The following EPHA6 variants were observed in gnomAD, a reference collection of about 807,000 sequenced individuals.
EPHA6 encodes ephrin type-A receptor 6.
Under a neutral mutation model 112.0 loss-of-function variants are expected in EPHA6, and 50 were observed. The ratio of observed to expected loss-of-function variants is 0.45; its 90% CI spans 0.36 to 0.56. The LOEUF is 0.56. EPHA6 is among the 20% of genes least tolerant of loss of function. EPHA6 has a pLI of 0.00. For synonymous variants in EPHA6, 529 were observed against 490.7 expected (o/e 1.08, Z -1.03); for missense variants, 1,280 against 1,417.4 (o/e 0.90, Z 1.56).
chr3:96,822,542 G>T (rs140721362), intron 1 of EPHA6, among the ~76,000 whole-genome samples: 1 of 151,632 alleles, frequency 6.6e-6, no homozygotes, highest in Non-Finnish European at 1.5e-5. Context: ...TGTAAAAGAC[G>T]TACTTTTTGA....
In EPHA6 at chr3:96,990,676, G is replaced by GAT. The variant is rs751202518; in HGVS notation, c.1114+2691_1114+2692dup. 1.1e-4 allele frequency among the ~76,000 whole-genome samples: 17 copies of GAT among 152,140 alleles called. No individual in the cohort carries two copies. The East Asian group carries it at 2.1e-3, about 19-fold the overall frequency. On this transcript the variant is annotated intron_variant, in intron 3 of 17. Coordinates refer to ENST00000389672, the MANE Select transcript of EPHA6 (RefSeq NM_001080448.3). ...GATGTGGAGACTACATTATTTTAAAGATATATATAGTGCACTACCACCAGT... is the reference window on the plus strand; with the variant it reads ...GATGTGGAGACTACATTATTTTAAAGATATATATATAGTGCACTACCACCAGT...
intron 1 of EPHA6, among the ~76,000 whole-genome samples, chr3:96,816,670 T>G (rs900001582): frequency 1.3e-5 from 2 of 152,068 alleles, no homozygotes; most frequent in African/African-American, 2.4e-5. Flanking sequence ...CAAACAATGT[T>G]TATTTATTTA....
At chr3:97,223,642 GA>G (rs1355675511) in intron 3 of EPHA6, among the ~76,000 whole-genome samples, 1 of 152,180 alleles carries the variant, frequency 6.6e-6, no homozygotes, top group Non-Finnish European at 1.5e-5. Context: ...AAAGCCAATG[GA>G]AGGCTCTAAG....
intron 1 of EPHA6, among the ~76,000 whole-genome samples, chr3:96,847,182 A>G (rs2035120701): frequency 6.6e-6 from 1 of 152,064 alleles, no homozygotes; most frequent in African/African-American, 2.4e-5. Flanking sequence ...ATAAGACAAC[A>G]GCATTTGCTA....
intron 5 of EPHA6, among the ~76,000 whole-genome samples, chr3:97,340,026 A>G (rs1424218858): frequency 6.6e-6 from 1 of 151,860 alleles, no homozygotes; most frequent in Non-Finnish European, 1.5e-5. Context: ...AAAAACAGTG[A>G]TAACCTAAAT....
intron 2 of EPHA6, among the ~76,000 whole-genome samples, chr3:96,924,263 TTTC>T (rs1270708699): frequency 1.3e-5 from 2 of 152,282 alleles, no homozygotes; most frequent in Non-Finnish European, 2.9e-5. Context: ...CACAATGTTG[TTTC>T]TTCTTCTCTA....
chr3:97,417,584 A>G (rs1407742605), intron 6 of EPHA6, among the ~76,000 whole-genome samples: 1 of 152,060 alleles, frequency 6.6e-6, no homozygotes. Flanking sequence ...AACTTAAGGG[A>G]GAATTTCAAG....
At chr3:97,601,319 AT>A (rs397877773) in intron 12 of EPHA6, among the ~76,000 whole-genome samples, 2 of 152,074 alleles carry the variant, frequency 1.3e-5, no homozygotes, top group Admixed American at 6.6e-5. Flanking sequence ...GCTGATTAGT[AT>A]TTTTTTGTAA....
At chr3:97,569,843 G>A (rs1012317274) in intron 11 of EPHA6, 3 of 152,142 alleles carry the variant, frequency 2.0e-5, no homozygotes, top group Admixed American at 6.5e-5. Flanking sequence ...AAATAACAAA[G>A]TGCTTTTTTT....
chr3:96,977,145 T>C (rs1210977481), intron 2 of EPHA6, among the ~76,000 whole-genome samples: 1 of 152,142 alleles, frequency 6.6e-6, no homozygotes, highest in Non-Finnish European at 1.5e-5. Flanking sequence ...AATATGAACC[T>C]GGATTGTCAG....
intron 3 of EPHA6, among the ~76,000 whole-genome samples, chr3:97,116,989 A>T (rs1386220688): frequency 6.6e-6 from 1 of 151,710 alleles, no homozygotes; most frequent in Non-Finnish European, 1.5e-5. Context: ...ATCCTTGTCA[A>T]CACTTATCGT....
chr3:97,541,395 A>C (rs2092848158), intron 11 of EPHA6, among the ~76,000 whole-genome samples: 1 of 152,220 alleles, frequency 6.6e-6, no homozygotes, highest in Non-Finnish European at 1.5e-5. Context: ...ACCAAAAAAT[A>C]AATATTAGTA....
chr3:97,267,032 A>T (rs1203234310), intron 5 of EPHA6, among the ~76,000 whole-genome samples: 1 of 152,142 alleles, frequency 6.6e-6, no homozygotes, highest in Non-Finnish European at 1.5e-5. Flanking sequence ...TAACCATACC[A>T]GTTTGTTATT....
At chr3:97,341,832 A>G (rs2083321116) in intron 5 of EPHA6, among the ~76,000 whole-genome samples, 1 of 152,124 alleles carries the variant, frequency 6.6e-6, no homozygotes, top group African/African-American at 2.4e-5. Context: ...TATTTATATT[A>G]CCCCAGCAAA....
At chr3:97,704,409 C>T (rs1015432895) in intron 14 of EPHA6, among the ~76,000 whole-genome samples, 6 of 152,182 alleles carry the variant, frequency 3.9e-5, no homozygotes, top group African/African-American at 1.4e-4. Flanking sequence ...GGATATCCAT[C>T]TTTTCCTCCT....
At chr3:97,639,371 C>T (rs2093981391) in intron 14 of EPHA6, among the ~76,000 whole-genome samples, 1 of 151,746 alleles carries the variant, frequency 6.6e-6, no homozygotes, top group Non-Finnish European at 1.5e-5. Context: ...TTTATCTTTA[C>T]AAATTTATAA....
At chr3:97,660,925 C>T (rs908131422) in intron 14 of EPHA6, among the ~76,000 whole-genome samples, 2 of 152,046 alleles carry the variant, frequency 1.3e-5, no homozygotes, top group African/African-American at 4.8e-5. Context: ...TTGTTTTGTT[C>T]TAATCTGAAT....
intron 2 of EPHA6, among the ~76,000 whole-genome samples, chr3:96,920,950 A>G (rs1484793679): frequency 1.3e-5 from 2 of 152,068 alleles, no homozygotes; most frequent in East Asian, 1.9e-4. Context: ...TGTATGGATT[A>G]TCAGAGAACC....
intron 3 of EPHA6, among the ~76,000 whole-genome samples, chr3:97,124,853 C>T (rs1228926128): frequency 6.6e-6 from 1 of 152,124 alleles, no homozygotes; most frequent in Non-Finnish European, 1.5e-5. Flanking sequence ...TCATTGTTGA[C>T]CTCAGAAATT....
Sources: allele counts gnomAD v4.1 joint callset (sites outside exome capture counted in the v4.1 genomes callset), GRCh38; gene constraint gnomAD v4.1.1; transcripts MANE v1.5; gene names NCBI Gene and HGNC (gene_info 2026-07-23, HGNC 2026-07-21).